The following OR9Q1 variants were observed in gnomAD, a reference collection of about 807,000 sequenced individuals.
The protein encoded by OR9Q1 is olfactory receptor 9Q1.
For synonymous variants in OR9Q1, 153 were observed against 148.6 expected, an observed-to-expected ratio of 1.03 and a Z score of -0.22; for missense variants, 374 against 378.8, an observed-to-expected ratio of 0.99 and a Z score of 0.11.
At chr11:58,150,313 G>A (rs1306390835) in intron 2 of OR9Q1, among the ~76,000 whole-genome samples, 4 of 152,062 alleles carry the variant, frequency 2.6e-5, no homozygotes, top group Admixed American at 1.3e-4. Flanking sequence ...GGGTTGTTTG[G>A]GCCTGGTGTG....
At chr11:58,063,451 G>A (rs994928506) in intron 2 of OR9Q1, among the ~76,000 whole-genome samples, 5 of 152,102 alleles carry the variant, frequency 3.3e-5, no homozygotes, top group Non-Finnish European at 5.9e-5. Flanking sequence ...TTGAACACAT[G>A]CAAAGGATCT....
intron 2 of OR9Q1, among the ~76,000 whole-genome samples, chr11:58,129,745 C>T (rs1456431710): frequency 1.3e-5 from 2 of 152,154 alleles, no homozygotes; most frequent in African/African-American, 4.8e-5. Context: ...CTTTCTCTGT[C>T]GCTACTCCAA....
intron 1 of OR9Q1, among the ~76,000 whole-genome samples, chr11:58,055,056 C>G (rs1853314188): frequency 6.6e-6 from 1 of 152,180 alleles, no homozygotes; most frequent in African/African-American, 2.4e-5. Flanking sequence ...TTGGGAGGAA[C>G]TGGTTCTAGA....
At chr11:58,153,111 T>C (rs1443457484) in intron 2 of OR9Q1, among the ~76,000 whole-genome samples, 1 of 152,184 alleles carries the variant, frequency 6.6e-6, no homozygotes, top group Admixed American at 6.5e-5. Flanking sequence ...AAACCTTTAT[T>C]TCTGGATTTT....
intron 2 of OR9Q1, among the ~76,000 whole-genome samples, chr11:58,162,738 C>T (rs964720): frequency 0.15 from 23,342 of 152,168 alleles, 2,586 homozygotes; most frequent in East Asian, 0.53. Context: ...AATGACATCT[C>T]TGTAAAGTTG....
chr11:58,053,525 C>G (rs1427578271), intron 1 of OR9Q1, among the ~76,000 whole-genome samples: 12 of 143,640 alleles, frequency 8.4e-5, no homozygotes, highest in South Asian at 4.4e-4. Flanking sequence ...GTGCAGCACA[C>G]CAGCATGGCA....
rs143626039 is a variant in OR9Q1, at chr11:58,143,395, T to C, written c.-14-36036T>C. Among the ~76,000 whole-genome samples, 153 of 152,322 alleles carry C rather than the reference T, an allele frequency of 1.0e-3. 1 individual carries two copies. The highest frequency in any genetic ancestry group is 3.5e-3 in the African/African-American group (145 of 41,556). On this transcript the variant is annotated intron_variant, in intron 2 of 2. Transcript: ENST00000335397. ...TTTTATACTACACCACTAGGATTTC[T>C]TCAACAAAGTGCTTTTTTCCTCCAC...
chr11:58,150,676 T>C (rs765358492), intron 2 of OR9Q1, among the ~76,000 whole-genome samples: 3 of 152,206 alleles, frequency 2.0e-5, no homozygotes, highest in Non-Finnish European at 4.4e-5. Flanking sequence ...CCTACTGTAC[T>C]ATCAGCTATA....
At chr11:58,119,010 C>T (rs149011210) in intron 2 of OR9Q1, 2 of 1,613,896 alleles carry the variant, frequency 1.2e-6, no homozygotes, top group Admixed American at 1.7e-5. Flanking sequence ...AGGCTCCTAC[C>T]ACCAGGCTCC....
intron 2 of OR9Q1, among the ~76,000 whole-genome samples, chr11:58,096,099 C>G (rs1590587339): frequency 6.6e-6 from 1 of 150,928 alleles, no homozygotes. Context: ...TATACTTTTC[C>G]CTCCCTCTCT....
At chr11:58,037,687 ATATTTTTTTTT>A (rs1853119072) in intron 1 of OR9Q1, among the ~76,000 whole-genome samples, 1 of 6,528 alleles carries the variant, frequency 1.5e-4, no homozygotes, top group Non-Finnish European at 3.3e-4. Flanking sequence ...ATATATATAT[ATATTTTTTTTT>A]TTTTTTTTTT....
intron 2 of OR9Q1, among the ~76,000 whole-genome samples, chr11:58,065,638 A>T (rs1386857771): frequency 6.6e-6 from 1 of 152,198 alleles, no homozygotes; most frequent in Admixed American, 6.5e-5. Context: ...GAATGTGCCC[A>T]TGAAGATACA....
At chr11:58,108,745 C>A in intron 2 of OR9Q1, 1 of 221,498 alleles carries the variant, frequency 4.5e-6, no homozygotes. Context: ...TTGGAATTTA[C>A]CAACGAGTTT....
chr11:58,143,692 G>A (rs1854272279), intron 2 of OR9Q1, among the ~76,000 whole-genome samples: 1 of 152,082 alleles, frequency 6.6e-6, no homozygotes, highest in Admixed American at 6.6e-5. Flanking sequence ...ACATACTGGG[G>A]CCTGTTGGGG....
At chr11:58,071,532 T>C (rs1025418469) in intron 2 of OR9Q1, among the ~76,000 whole-genome samples, 7 of 151,880 alleles carry the variant, frequency 4.6e-5, no homozygotes, top group Admixed American at 4.6e-4. Flanking sequence ...GTGTTTCTCC[T>C]AGGGGAAAGA....
chr11:58,150,535 A>G (rs539750257), intron 2 of OR9Q1, among the ~76,000 whole-genome samples: 63 of 152,324 alleles, frequency 4.1e-4, no homozygotes, highest in Non-Finnish European at 7.2e-4. Context: ...ACGATGGATC[A>G]CACATCAATG....
chr11:58,053,464 G>A (rs1299221548), intron 1 of OR9Q1, among the ~76,000 whole-genome samples: 2 of 83,870 alleles, frequency 2.4e-5, no homozygotes, highest in Middle Eastern at 7.5e-3. Context: ...GGGGGGAGGG[G>A]GGAGGGATAG....
intron 2 of OR9Q1, among the ~76,000 whole-genome samples, chr11:58,068,139 G>C (rs983807942): frequency 6.7e-6 from 1 of 149,342 alleles, no homozygotes; most frequent in Non-Finnish European, 1.5e-5. Context: ...AGGAGTTCAA[G>C]ACCAGCCTGA....
chr11:58,110,893 C>T (rs554068064), intron 2 of OR9Q1, among the ~76,000 whole-genome samples: 4 of 152,132 alleles, frequency 2.6e-5, no homozygotes, highest in East Asian at 3.9e-4. Context: ...TGGGTGGAGT[C>T]GCCTCCATCA....
Sources: gnomAD v4.1 joint callset for allele counts (sites outside exome capture counted in the v4.1 genomes callset) on GRCh38, gnomAD v4.1.1 for gene constraint, MANE v1.5 for transcripts, NCBI Gene and HGNC (gene_info 2026-07-23, HGNC 2026-07-21) for gene names.